SDK1: variants seen among roughly 807,000 people sequenced by gnomAD.
The protein encoded by SDK1 is protein sidekick-1.
Under a neutral mutation model 245.5 loss-of-function variants are expected in SDK1, and 157 were observed. The observed-to-expected ratio is 0.64, with a 90% CI of 0.56 to 0.73. The LOEUF (loss-of-function observed/expected upper bound fraction) is 0.73. SDK1 is among the 30% of genes least tolerant of loss of function. The probability of loss-of-function intolerance (pLI) is 0.00; values close to 1 mark genes in which losing one functional copy is unlikely to be tolerated. For missense variants in SDK1, 3,583 were observed against 3,002.3 expected, an observed-to-expected ratio of 1.19 and a Z score of -4.52; for synonymous variants, 1,647 against 1,278.5, an observed-to-expected ratio of 1.29 and a Z score of -6.15.
intron 1 of SDK1, chr7:3,476,061 A>G (rs1022963632): frequency 6.5e-6 from 1 of 152,678 alleles, no homozygotes; most frequent in Non-Finnish European, 1.5e-5. Flanking sequence ...CCCATATTTT[A>G]AAACTCAATT....
intron 1 of SDK1, among the ~76,000 whole-genome samples, chr7:3,441,894 C>A (rs1780206679): frequency 6.6e-6 from 1 of 152,142 alleles, no homozygotes; most frequent in Admixed American, 6.5e-5. Flanking sequence ...TTAAGCAGAA[C>A]ACTGGGAATT....
At chr7:3,721,221 T>G (rs1006103365) in intron 4 of SDK1, among the ~76,000 whole-genome samples, 9 of 152,176 alleles carry the variant, frequency 5.9e-5, no homozygotes, top group African/African-American at 1.9e-4. Flanking sequence ...ACGCGTGTGA[T>G]AAAATTGCAT....
At chr7:3,756,849 G>A (rs1056501122) in intron 4 of SDK1, among the ~76,000 whole-genome samples, 1 of 152,220 alleles carries the variant, frequency 6.6e-6, no homozygotes, top group East Asian at 1.9e-4. Flanking sequence ...CAGGGGTAAA[G>A]GACCCTTTTG....
intron 4 of SDK1, among the ~76,000 whole-genome samples, chr7:3,702,711 C>T (rs1784773627): frequency 6.6e-6 from 1 of 152,010 alleles, no homozygotes; most frequent in Non-Finnish European, 1.5e-5. Flanking sequence ...TTGGAGATCA[C>T]ATAGTTTATT....
At position 3,769,815 on chromosome 7, in the gene SDK1, C is replaced by G. The variant is rs112783477; in HGVS notation, c.714-51635C>G. On this transcript the variant is annotated intron_variant, in intron 4 of 44. Coordinates refer to ENST00000404826, the MANE Select transcript of SDK1 (RefSeq NM_152744.4). ...GGAAGGAAGGTAACGTTCTTTGTTG[C>G]GATCTTCCTCCAGTCCTGGGGTCCC... is the stretch of plus-strand genomic sequence containing the variant. Among the ~76,000 whole-genome samples, 99 of 151,998 alleles carry G rather than the reference C, an allele frequency of 6.5e-4. 1 individual carries two copies. Among genetic ancestry groups the G allele is most frequent in the Middle Eastern group, 3.4e-3 (1 of 294 alleles).
At chr7:3,330,828 A>AG (rs2128550807) in intron 1 of SDK1, among the ~76,000 whole-genome samples, 1 of 148,070 alleles carries the variant, frequency 6.8e-6, no homozygotes, top group East Asian at 2.0e-4. Flanking sequence ...AAAAAAAAAA[A>AG]CCAGGTGTGG....
chr7:3,609,393 A>ATTTTTC (rs903058396), intron 1 of SDK1, among the ~76,000 whole-genome samples: 1 of 151,766 alleles, frequency 6.6e-6, no homozygotes, highest in African/African-American at 2.4e-5. Flanking sequence ...GAGAGCTGGG[A>ATTTTTC]TTTTTCTTTT....
intron 5 of SDK1, among the ~76,000 whole-genome samples, chr7:3,840,140 T>G (rs1780121300): frequency 6.6e-6 from 1 of 152,134 alleles, no homozygotes; most frequent in Admixed American, 6.5e-5. Flanking sequence ...AGGGACATCG[T>G]TTTTCAAAAT....
intron 17 of SDK1, among the ~76,000 whole-genome samples, chr7:4,034,421 A>G (rs1267925253): frequency 6.6e-6 from 1 of 152,218 alleles, no homozygotes; most frequent in Non-Finnish European, 1.5e-5. Flanking sequence ...TTGGAAGTAC[A>G]TACTCCAGTA....
At chr7:3,598,915 C>T (rs2341587) in intron 1 of SDK1, among the ~76,000 whole-genome samples, 83,554 of 151,854 alleles carry the variant, frequency 0.55, 23,295 homozygotes, top group South Asian at 0.75. Context: ...AAAGCTGTTA[C>T]CTAGGAAGGT....
At chr7:3,342,205 C>G (rs573029552) in intron 1 of SDK1, among the ~76,000 whole-genome samples, 1 of 152,288 alleles carries the variant, frequency 6.6e-6, no homozygotes, top group African/African-American at 2.4e-5. Flanking sequence ...ACGAAATGAT[C>G]AACCTTGATC....
intron 5 of SDK1, among the ~76,000 whole-genome samples, chr7:3,863,455 T>C (rs1038795476): frequency 1.3e-5 from 2 of 152,196 alleles, no homozygotes; most frequent in Admixed American, 6.5e-5. Flanking sequence ...TTTAACTATG[T>C]TTGCATGTAC....
chr7:4,185,966 G>A (rs1009783820), intron 35 of SDK1, among the ~76,000 whole-genome samples: 2 of 152,120 alleles, frequency 1.3e-5, no homozygotes, highest in African/African-American at 2.4e-5. Flanking sequence ...AAGGGGGGAT[G>A]GAGCGGCTCC....
chr7:3,885,385 C>G (rs73294613), intron 5 of SDK1, among the ~76,000 whole-genome samples: 1 of 152,168 alleles, frequency 6.6e-6, no homozygotes, highest in Non-Finnish European at 1.5e-5. Flanking sequence ...GACACACACT[C>G]ATCACATTCC....
At chr7:3,390,558 A>G (rs745912258) in intron 1 of SDK1, among the ~76,000 whole-genome samples, 4 of 152,210 alleles carry the variant, frequency 2.6e-5, no homozygotes, top group Admixed American at 2.6e-4. Flanking sequence ...ATTAAATAAG[A>G]TGAGGTCATA....
intron 44 of SDK1, among the ~76,000 whole-genome samples, chr7:4,253,438 C>A (rs1787436075): frequency 6.6e-6 from 1 of 152,076 alleles, no homozygotes; most frequent in African/African-American, 2.4e-5. Context: ...TTGTGAATTT[C>A]CCACATTTTC....
At chr7:3,516,022 G>C (rs926762056) in intron 1 of SDK1, among the ~76,000 whole-genome samples, 1 of 151,770 alleles carries the variant, frequency 6.6e-6, no homozygotes, top group African/African-American at 2.4e-5. Flanking sequence ...CATCAGATGA[G>C]AGCTAAAGTG....
intron 1 of SDK1, among the ~76,000 whole-genome samples, chr7:3,537,013 A>C (rs1186438619): frequency 6.6e-6 from 1 of 152,188 alleles, no homozygotes; most frequent in Non-Finnish European, 1.5e-5. Flanking sequence ...ATTTACACAT[A>C]TTAAAATGCA....
chr7:3,370,349 GGA>G (rs1781191280), intron 1 of SDK1, among the ~76,000 whole-genome samples: 1 of 152,160 alleles, frequency 6.6e-6, no homozygotes, highest in African/African-American at 2.4e-5. Flanking sequence ...AACCCCTGAG[GGA>G]GAGAGAAAAC....
Sources: allele counts gnomAD v4.1 joint callset (sites outside exome capture counted in the v4.1 genomes callset), GRCh38; gene constraint gnomAD v4.1.1; transcripts MANE v1.5; gene names NCBI Gene and HGNC (gene_info 2026-07-23, HGNC 2026-07-21).